Variants in ANK3 observed in about 807,000 individuals in gnomAD.
ANK3 encodes ankyrin 3.
ANK3 carries 57 observed loss-of-function variants against 370.9 expected under a neutral mutation model. That is an observed-to-expected ratio of 0.15 (90% CI 0.12 to 0.19). The LOEUF (loss-of-function observed/expected upper bound fraction) is 0.19, where lower values mean the gene tolerates loss of function less well. ANK3 is among the 10% of genes least tolerant of loss of function. ANK3 has a pLI of 1.00. For synonymous variants in ANK3, 1,929 were observed against 1,946.3 expected, an observed-to-expected ratio of 0.99 and a Z score of 0.23; for missense variants, 4,439 against 5,302.1, an observed-to-expected ratio of 0.84 and a Z score of 5.06.
intron 8 of ANK3, among the ~76,000 whole-genome samples, chr10:60,217,911 A>G (rs1214689572): frequency 6.6e-6 from 1 of 152,032 alleles, no homozygotes; most frequent in African/African-American, 2.4e-5. Flanking sequence ...GGTCTCAAAG[A>G]ACTTGTTTTA....
rs5785438 is a variant in ANK3, at chr10:60,331,571, T to TA, written c.115-51933dup. 3.0e-3 allele frequency among the ~76,000 whole-genome samples: 417 copies of TA among 137,060 alleles called. 1 individual carries two copies. The highest frequency in any genetic ancestry group is 4.3e-3 in the East Asian group (20 of 4,698). The allele number at this position is 137,060 out of a possible 152,430, so 89.9% of individuals were successfully genotyped here. A position where few individuals can be genotyped will look rare whatever the true frequency, so the allele number is the denominator to read the frequency against. On this transcript the variant is annotated intron_variant, in intron 1 of 43. Coordinates refer to ENST00000280772, the MANE Select transcript of ANK3 (RefSeq NM_020987.5). ...CCCTGTGAAGTTAAAACAGCCTAAT[T>TA]AAAAAAAAAAAAAAAACAAAAAGAC...
intron 10 of ANK3, among the ~76,000 whole-genome samples, chr10:60,206,782 T>C (rs760527814): frequency 2.0e-5 from 3 of 152,232 alleles, no homozygotes; most frequent in Non-Finnish European, 4.4e-5. Flanking sequence ...TAAGTTGTCC[T>C]GCCTGCCGAT....
At chr10:60,197,765 G>A (rs1016760278) in intron 14 of ANK3, among the ~76,000 whole-genome samples, 4 of 152,154 alleles carry the variant, frequency 2.6e-5, no homozygotes, top group African/African-American at 7.2e-5. Flanking sequence ...CAAGGCTTAT[G>A]TAGTATCACA....
At chr10:60,420,788 C>T (rs2063762421) in intron 2 of ANK3, among the ~76,000 whole-genome samples, 1 of 151,948 alleles carries the variant, frequency 6.6e-6, no homozygotes, top group Non-Finnish European at 1.5e-5. Flanking sequence ...TAAAAAGTTA[C>T]CTTAAGTGGT....
At chr10:60,456,967 C>T (rs2064764175) in intron 2 of ANK3, among the ~76,000 whole-genome samples, 1 of 152,128 alleles carries the variant, frequency 6.6e-6, no homozygotes, top group South Asian at 2.1e-4. Flanking sequence ...CCCGAGTCTT[C>T]AACTATCAAC....
intron 2 of ANK3, among the ~76,000 whole-genome samples, chr10:60,562,301 C>T (rs2077353640): frequency 6.6e-6 from 1 of 152,046 alleles, no homozygotes; most frequent in South Asian, 2.1e-4. Context: ...TGCATTAAAA[C>T]TTCATAATTG....
chr10:60,242,620 G>A (rs2097484199), intron 7 of ANK3, among the ~76,000 whole-genome samples: 1 of 152,168 alleles, frequency 6.6e-6, no homozygotes, highest in African/African-American at 2.4e-5. Flanking sequence ...TTTCATGAGA[G>A]CTGATACTGA....
intron 1 of ANK3, among the ~76,000 whole-genome samples, chr10:60,665,525 TGTC>T (rs1172763138): frequency 5.3e-5 from 8 of 152,180 alleles, no homozygotes; most frequent in Admixed American, 2.0e-4. Context: ...GCTACTACAT[TGTC>T]GTGGGGAGAA....
chr10:60,631,654 C>T (rs985380362), intron 1 of ANK3, among the ~76,000 whole-genome samples: 9 of 151,956 alleles, frequency 5.9e-5, no homozygotes, highest in African/African-American at 1.9e-4. Flanking sequence ...CAAAATTATA[C>T]ACGGAAATTG....
intron 1 of ANK3, among the ~76,000 whole-genome samples, chr10:60,674,412 T>C (rs1001993649): frequency 1.3e-5 from 2 of 151,986 alleles, no homozygotes; most frequent in African/African-American, 4.8e-5. Context: ...AAAACAGGCA[T>C]GCCACAAGGT....
At chr10:60,615,977 A>G (rs1425101244) in intron 1 of ANK3, among the ~76,000 whole-genome samples, 1 of 152,164 alleles carries the variant, frequency 6.6e-6, no homozygotes, top group African/African-American at 2.4e-5. Flanking sequence ...CTGGTACTGA[A>G]GTTTAAATAC....
At chr10:60,731,354 G>A (rs2080019515) in intron 1 of ANK3, among the ~76,000 whole-genome samples, 1 of 152,142 alleles carries the variant, frequency 6.6e-6, no homozygotes, top group Non-Finnish European at 1.5e-5. Flanking sequence ...ACACACCATT[G>A]GCCTTTACAT....
At chr10:60,655,420 T>C (rs897424082) in intron 1 of ANK3, among the ~76,000 whole-genome samples, 4 of 151,858 alleles carry the variant, frequency 2.6e-5, no homozygotes, top group African/African-American at 4.8e-5. Context: ...TATTTGTGTC[T>C]AGCTTTAAAC....
chr10:60,436,140 T>C (rs965939702), intron 2 of ANK3, among the ~76,000 whole-genome samples: 1 of 152,188 alleles, frequency 6.6e-6, no homozygotes, highest in Non-Finnish European at 1.5e-5. Context: ...CAATGTAGCA[T>C]GAATCAGTAC....
chr10:60,190,127 T>G (rs2096447906), intron 16 of ANK3, among the ~76,000 whole-genome samples: 2 of 152,138 alleles, frequency 1.3e-5, no homozygotes, highest in African/African-American at 2.4e-5. Context: ...CCTCATCACA[T>G]TTCTAGGACA....
rs574514473 is a variant in ANK3 at position 60,275,515 on chromosome 10, A to G, written c.414+3259T>C. 9.5e-4 allele frequency among the ~76,000 whole-genome samples: 144 copies of G among 152,188 alleles called. 1 individual carries two copies. The highest frequency in any genetic ancestry group is 9.6e-4 in the Non-Finnish European group (65 of 68,038). On this transcript the variant is annotated intron_variant, in intron 4 of 43. Transcript: ENST00000280772. The stretch of plus-strand genomic sequence containing the variant: ...TGTTTTTAACTAAGATGTTAAGGGT[A>G]TGGTGAAAGATTTGCATTGATTCAT...
At chr10:60,226,570 ATATGTATATATAC>A (rs2097164122) in intron 8 of ANK3, among the ~76,000 whole-genome samples, 1 of 20,930 alleles carries the variant, frequency 4.8e-5, no homozygotes. Flanking sequence ...TATACATAGT[ATATGTATATATAC>A]TATGTATATA....
rs181351907 is a variant in ANK3, at chr10:60,641,008, C to A, written c.58-25784G>T. On this transcript the variant is annotated intron_variant, in intron 1 of 43. Coordinates refer to the ANK3 transcript ENST00000373827. ...ATAACAGACAAACGGAGAGCCAAAT[C>A]AGGAGTGAACTCCCATTCACAATTG... Among the ~76,000 whole-genome samples, 627 of 148,180 alleles carry A rather than the reference C, an allele frequency of 4.2e-3. 1 individual carries two copies. The highest frequency in any genetic ancestry group is 0.015 in the African/African-American group (591 of 40,084).
chr10:60,130,456 G>A (rs149366826), intron 25 of ANK3, among the ~76,000 whole-genome samples: 67 of 152,248 alleles, frequency 4.4e-4, no homozygotes, highest in African/African-American at 1.4e-3. Context: ...TTACTTGTCA[G>A]GGCAAATTTA....
Sources: allele counts gnomAD v4.1 joint callset (sites outside exome capture counted in the v4.1 genomes callset), GRCh38; gene constraint gnomAD v4.1.1; transcripts MANE v1.5; gene names NCBI Gene and HGNC (gene_info 2026-07-23, HGNC 2026-07-21).